Variants in GMNN observed in about 807,000 individuals in gnomAD.
GMNN encodes geminin.
GMNN carries 14 observed loss-of-function variants against 20.9 expected under a neutral mutation model. The ratio of observed to expected loss-of-function variants is 0.67; its 90% CI spans 0.44 to 1.05. The LOEUF (loss-of-function observed/expected upper bound fraction) is 1.05. Ranked by LOEUF, GMNN falls within the 50% of genes least tolerant of loss-of-function variation. The pLI is 0.00. For synonymous variants in GMNN, 81 were observed against 85.8 expected, an observed-to-expected ratio of 0.94 and a Z score of 0.31; for missense variants, 227 against 243.8, an observed-to-expected ratio of 0.93 and a Z score of 0.46.
chr6:24,784,766 G>A (rs1780305446), intron 6 of GMNN, among the ~76,000 whole-genome samples: 1 of 152,080 alleles, frequency 6.6e-6, no homozygotes, highest in Non-Finnish European at 1.5e-5. Flanking sequence ...TGAGAGTAAT[G>A]ATGCCTACCT....
At chr6:24,781,666 AT>A in intron 4 of GMNN, 45 bp downstream of exon 4, 3 of 944,306 alleles carry the variant, frequency 3.2e-6, no homozygotes, top group Non-Finnish European at 4.6e-6. Context: ...AAATTATGAT[AT>A]AAGGAAAAAT....
intron 3 of GMNN, among the ~76,000 whole-genome samples, chr6:24,781,230 AAAAT>A (rs551616423): frequency 1.3e-3 from 201 of 148,972 alleles, no homozygotes; most frequent in Middle Eastern, 0.01. Context: ...AATTTTTTAA[AAAAT>A]AAATAAATAA....
In GMNN at chr6:24,786,013, T is replaced by TA. The variant is rs773332230; in HGVS notation, c.*215dup. 299 of 435,604 alleles carry TA rather than the reference T, an allele frequency of 6.9e-4. No individual in the cohort carries two copies. Among genetic ancestry groups the TA allele is most frequent in the Non-Finnish European group, 9.2e-4 (229 of 248,678 alleles). 27.0% of individuals were successfully genotyped at this position (435,604 alleles called of 1,614,324 possible). On this transcript the variant is annotated 3_prime_UTR_variant, in exon 7 of 7. Transcript: ENST00000230056. Reference sequence around the variant, plus strand: ...ATTTTCTCAGTTGTCAGCCATGACTTATGTTTATTACTAAATAAACTTCAA... The same window carrying TA: ...ATTTTCTCAGTTGTCAGCCATGACTTAATGTTTATTACTAAATAAACTTCAA...
rs1780091486 is a variant in GMNN at position 24,777,069 on chromosome 6, T to G, written c.-25-153T>G. On this transcript the variant is annotated intron_variant, in intron 1 of 6. Transcript: ENST00000230056. ...ATATAGATATCAAGAGTCATTAACTTTAGTCACCTTAGTCATTGACAGGGC... is the reference window on the plus strand; with the variant it reads ...ATATAGATATCAAGAGTCATTAACTGTAGTCACCTTAGTCATTGACAGGGC... 1.7e-5 allele frequency: 7 copies of G among 400,496 alleles called. No individual in the cohort carries two copies. In the East Asian group the frequency reaches 2.6e-4, roughly 15 times the overall value. 24.8% of individuals were successfully genotyped at this position (400,496 alleles called of 1,614,324 possible).
At chr6:24,783,805 A>G (rs1389672719) in intron 4 of GMNN, among the ~76,000 whole-genome samples, 1 of 152,178 alleles carries the variant, frequency 6.6e-6, no homozygotes, top group Non-Finnish European at 1.5e-5. Context: ...TCAGTGTTAC[A>G]TAAAAAGACA....
At chr6:24,778,861 C>T (rs1043987388) in intron 2 of GMNN, among the ~76,000 whole-genome samples, 9 of 152,266 alleles carry the variant, frequency 5.9e-5, no homozygotes, top group East Asian at 1.9e-4. Flanking sequence ...CTTATTTACT[C>T]CACTTTTCCT....
rs377373371 is a variant in GMNN at position 24,784,099 on chromosome 6, C to G, written c.287C>G (p.Ser96Cys). The G allele has an allele frequency of 1.4e-6, 2 of 1,431,158 alleles. No individual in the cohort carries two copies. Among genetic ancestry groups the G allele is most frequent in the African/African-American group, 2.8e-5 (2 of 71,512 alleles). 88.7% of individuals were successfully genotyped at this position (1,431,158 alleles called of 1,614,324 possible). ...FDLMIKENPS[S>C]QYWKEVAEKR... ...AATATTATTTTAGAAAATCCATCCT[C>G]TCAGTATTGGAAGGAAGTGGCAGAA... Residue 96 changes from serine (S) to cysteine (C), a missense_variant, in exon 5 of 7, where the codon TCT becomes TGT. By Grantham distance (112) the Ser-to-Cys change is moderately radical. Transcript: ENST00000230056.
intron 4 of GMNN, among the ~76,000 whole-genome samples, chr6:24,783,753 A>C (rs1780278240): frequency 6.6e-6 from 1 of 152,120 alleles, no homozygotes; most frequent in African/African-American, 2.4e-5. Flanking sequence ...TAAAAAATTA[A>C]GGACAGTGTA....
chr6:24,779,360 C>CT (rs200295784), intron 2 of GMNN, among the ~76,000 whole-genome samples: 14 of 150,856 alleles, frequency 9.3e-5, no homozygotes, highest in African/African-American at 2.2e-4. Context: ...TGGAAATGGT[C>CT]TTTTTTTTTG....
intron 1 of GMNN, 175 bp from the exon 2 acceptor site, chr6:24,777,047 T>C (rs1780090624): frequency 5.3e-6 from 2 of 374,798 alleles, no homozygotes; most frequent in South Asian, 1.3e-4. Flanking sequence ...ATGTAAAATA[T>C]AGATATCAAG....
intron 2 of GMNN, among the ~76,000 whole-genome samples, chr6:24,780,035 A>G (rs1555430): frequency 0.65 from 99,521 of 152,064 alleles, 35,169 homozygotes; most frequent in African/African-American, 0.91. Flanking sequence ...TAAGTATTTG[A>G]GGGATATTCA....
chr6:24,779,238 C>CT (rs1780146904), intron 2 of GMNN, among the ~76,000 whole-genome samples: 1 of 152,104 alleles, frequency 6.6e-6, no homozygotes, highest in South Asian at 2.1e-4. Context: ...AACTTTCTGG[C>CT]TTTAAGAGTC....
chr6:24,784,315 A>G, intron 5 of GMNN, 129 bp from the exon 6 acceptor site: 2 of 683,536 alleles, frequency 2.9e-6, no homozygotes, highest in East Asian at 5.1e-5. Context: ...CAATTATACA[A>G]AATGAATCCC....
intron 4 of GMNN, among the ~76,000 whole-genome samples, chr6:24,782,217 G>A (rs1780239145): frequency 6.6e-6 from 1 of 152,126 alleles, no homozygotes; most frequent in Non-Finnish European, 1.5e-5. Flanking sequence ...TAATGAGTTC[G>A]AGGTATGAAA....
chr6:24,782,285 A>T (rs1247079456), intron 4 of GMNN, among the ~76,000 whole-genome samples: 1 of 152,196 alleles, frequency 6.6e-6, no homozygotes, highest in Non-Finnish European at 1.5e-5. Context: ...ATATGGATGA[A>T]GAGTAAAGAT....
At chr6:24,777,924 A>G (rs1445582108) in intron 2 of GMNN, among the ~76,000 whole-genome samples, 2 of 152,088 alleles carry the variant, frequency 1.3e-5, no homozygotes. Context: ...TATATTACAC[A>G]TTTTTCTAGA....
intron 6 of GMNN, among the ~76,000 whole-genome samples, chr6:24,784,986 C>A (rs1169073231): frequency 6.6e-6 from 1 of 152,070 alleles, no homozygotes; most frequent in Non-Finnish European, 1.5e-5. Flanking sequence ...AATTTTAATA[C>A]CAGCTTGACA....
intron 1 of GMNN, 46 bp from the exon 2 acceptor site, chr6:24,777,176 G>T: frequency 1.6e-6 from 1 of 621,018 alleles, no homozygotes; most frequent in Non-Finnish European, 2.8e-6. Context: ...TTTAAACCTA[G>T]ACTCCACCTT....
Position 24,785,709 on chromosome 6 carries a change from T to G in GMNN, c.540T>G (p.Thr180=). ...DNQEFDSEEE[T]VEDSLVEDSE... is the part of the protein sequence containing the mutation. ...AGGAATTTGATTCTGAAGAAGAAAC[T>G]GTTGAGGATTCTCTAGTGGAAGACT... is the stretch of plus-strand genomic sequence containing the variant. Residue 180 remains threonine (T), a synonymous_variant, in exon 7 of 7, where the codon ACT becomes ACG. Transcript: ENST00000230056. 1 of 1,562,442 alleles carries G rather than the reference T, an allele frequency of 6.4e-7. No homozygotes were observed. Among genetic ancestry groups the G allele is most frequent in the African/African-American group, 1.4e-5 (1 of 73,462 alleles).
Sources: allele counts gnomAD v4.1 joint callset (sites outside exome capture counted in the v4.1 genomes callset), GRCh38; gene constraint gnomAD v4.1.1; transcripts MANE v1.5; gene names NCBI Gene and HGNC (gene_info 2026-07-23, HGNC 2026-07-21).